The following SLC31A2 variants were observed in gnomAD, a reference collection of about 807,000 sequenced individuals.
SLC31A2 encodes protein SLC31A2.
In SLC31A2, 16 loss-of-function variants were observed where a neutral mutation model predicts 14.4. That is an observed-to-expected ratio of 1.11 (90% confidence interval 0.75 to 1.69). The LOEUF (loss-of-function observed/expected upper bound fraction) is 1.69. Among genes scored for constraint, SLC31A2 ranks in the 40% most tolerant of loss-of-function variants. The pLI is 0.00. For missense variants in SLC31A2, 140 were observed against 173.9 expected (o/e 0.81, Z 1.10); for synonymous variants, 56 against 68.7 (o/e 0.82, Z 0.91).
intron 1 of SLC31A2, among the ~76,000 whole-genome samples, chr9:113,153,119 G>GTTT (rs10700218): frequency 0.38 from 53,484 of 142,368 alleles, 11,047 homozygotes; most frequent in Non-Finnish European, 0.48. Context: ...GTGTCAAAAT[G>GTTT]TTTTTTTTTT....
chr9:113,161,384 A>G, intron 2 of SLC31A2, 125 bp from the exon 3 acceptor site: 1 of 874,580 alleles, frequency 1.1e-6, no homozygotes, highest in Non-Finnish European at 1.8e-6. Context: ...TTCGGAACTC[A>G]GCAAGGGTGG....
chr9:113,154,185 G>A (rs983122307), intron 1 of SLC31A2, among the ~76,000 whole-genome samples: 1 of 149,604 alleles, frequency 6.7e-6, no homozygotes, highest in Non-Finnish European at 1.5e-5. Flanking sequence ...TGTTGCCCAG[G>A]CTAGCACTTT....
At chr9:113,156,382 A>G (rs1829934458) in intron 1 of SLC31A2, among the ~76,000 whole-genome samples, 1 of 152,200 alleles carries the variant, frequency 6.6e-6, no homozygotes, top group Non-Finnish European at 1.5e-5. Context: ...ACTGAGTTTC[A>G]TCAGAGCTCA....
chr9:113,157,514 G>T (rs924572618), intron 1 of SLC31A2, among the ~76,000 whole-genome samples: 3 of 152,230 alleles, frequency 2.0e-5, no homozygotes, highest in East Asian at 1.9e-4. Flanking sequence ...CTCATATGGA[G>T]CATGGCCAGC....
In SLC31A2 at chr9:113,162,942, AG is replaced by A; in HGVS notation, c.*27del. 1.3e-6 allele frequency: 2 copies of A among 1,565,790 alleles called. No homozygotes were observed. Among genetic ancestry groups the A allele is most frequent in the Non-Finnish European group, 1.7e-6 (2 of 1,155,708 alleles). The stretch of plus-strand genomic sequence containing the variant: ...GCTGGTGAGGAACGTGCAGGCACTG[AG>A]GCTGGAGGGACATGGAGCCCCCTCT... On this transcript the variant is annotated 3_prime_UTR_variant, in exon 4 of 4. Transcript: ENST00000259392.
At chr9:113,153,976 T>C (rs892433866) in intron 1 of SLC31A2, among the ~76,000 whole-genome samples, 2 of 152,028 alleles carry the variant, frequency 1.3e-5, no homozygotes, top group South Asian at 4.2e-4. Context: ...CTCACTGTTA[T>C]TGTTGTTGTT....
At chr9:113,159,145 C>CT (rs982016828) in intron 2 of SLC31A2, among the ~76,000 whole-genome samples, 12 of 152,120 alleles carry the variant, frequency 7.9e-5, no homozygotes, top group Admixed American at 6.5e-4. Context: ...TGATCTTTCT[C>CT]TTTTTTTGAA....
chr9:113,159,188 T>C (rs1829973848), intron 2 of SLC31A2, among the ~76,000 whole-genome samples: 3 of 152,128 alleles, frequency 2.0e-5, no homozygotes, highest in African/African-American at 7.2e-5. Flanking sequence ...TGGAATGCAG[T>C]GGCGCGATCT....
Position 113,162,925 on chromosome 9 carries a change from G to A in SLC31A2, c.*8G>A, listed in dbSNP as rs765651761. 1 of 1,598,510 alleles carries A rather than the reference G, an allele frequency of 6.3e-7. No homozygotes were observed. The highest frequency in any genetic ancestry group is 1.1e-5 in the South Asian group (1 of 89,210). ...CTTCTCAGCACAGCTTAGCTGGTGA[G>A]GAACGTGCAGGCACTGAGGCTGGAG... On this transcript the variant is annotated 3_prime_UTR_variant, in exon 4 of 4. Coordinates refer to ENST00000259392, the MANE Select transcript of SLC31A2 (RefSeq NM_001860.3).
intron 1 of SLC31A2, among the ~76,000 whole-genome samples, chr9:113,154,793 C>CCTGTTGTCCG (rs949193165): frequency 6.6e-6 from 1 of 152,210 alleles, no homozygotes; most frequent in African/African-American, 2.4e-5. Flanking sequence ...GCCTTTTCAT[C>CCTGTTGTCCG]CTGTTGTCCG....
At chr9:113,159,373 TCCAC>T (rs1425948150) in intron 2 of SLC31A2, among the ~76,000 whole-genome samples, 1 of 152,150 alleles carries the variant, frequency 6.6e-6, no homozygotes, top group Non-Finnish European at 1.5e-5. Context: ...CCTCAAGTGA[TCCAC>T]CCACCTCGAC....
intron 1 of SLC31A2, among the ~76,000 whole-genome samples, chr9:113,153,619 G>A (rs185996900): frequency 6.6e-6 from 1 of 152,350 alleles, no homozygotes; most frequent in Admixed American, 6.5e-5. Flanking sequence ...CTGCGGAGAT[G>A]TCACAGGGAG....
At position 113,163,032 on chromosome 9, in the gene SLC31A2, C is replaced by A; in HGVS notation, c.*115C>A. 9.4e-7 allele frequency: 1 copy of A among 1,064,344 alleles called. No individual in the cohort carries two copies. 65.9% of individuals were successfully genotyped at this position (1,064,344 alleles called of 1,614,324 possible). A position where few individuals can be genotyped will look rare whatever the true frequency, so the allele number is the denominator to read the frequency against. ...GCTATTCCTCCACCTTATTCCCAGCCCCTGGAAACTTTGAGCTGAAGCCAG... is the reference window on the plus strand; with the variant it reads ...GCTATTCCTCCACCTTATTCCCAGCACCTGGAAACTTTGAGCTGAAGCCAG... On this transcript the variant is annotated 3_prime_UTR_variant, in exon 4 of 4. Coordinates refer to ENST00000259392, the MANE Select transcript of SLC31A2 (RefSeq NM_001860.3).
intron 2 of SLC31A2, among the ~76,000 whole-genome samples, chr9:113,159,428 C>T (rs1005726572): frequency 1.3e-5 from 2 of 152,092 alleles, no homozygotes; most frequent in African/African-American, 4.8e-5. Context: ...CTACCACACC[C>T]GGCCTGAATT....
At chr9:113,152,876 T>C (rs1371553598) in intron 1 of SLC31A2, among the ~76,000 whole-genome samples, 1 of 152,218 alleles carries the variant, frequency 6.6e-6, no homozygotes, top group Non-Finnish European at 1.5e-5. Flanking sequence ...AGGAAACCAG[T>C]TATGGCAACT....
chr9:113,157,842 T>A, intron 2 of SLC31A2, 49 bp downstream of exon 2: 4 of 1,394,350 alleles, frequency 2.9e-6, no homozygotes, highest in Non-Finnish European at 3.0e-6. Flanking sequence ...CTTGTAGTAC[T>A]AGGCAAGGGA....
At chr9:113,152,144 C>A (rs1829875579) in intron 1 of SLC31A2, 1 of 152,186 alleles carries the variant, frequency 6.6e-6, no homozygotes, top group African/African-American at 2.4e-5. Flanking sequence ...TGTAAGTAAC[C>A]CCAAATGAAG....
chr9:113,154,597 G>A (rs914019828), intron 1 of SLC31A2, among the ~76,000 whole-genome samples: 3 of 152,184 alleles, frequency 2.0e-5, no homozygotes, highest in African/African-American at 4.8e-5. Flanking sequence ...ATAAGGCCCT[G>A]GAGTCTAAGC....
At chr9:113,152,236 C>T (rs918581593) in intron 1 of SLC31A2, 7 of 152,282 alleles carry the variant, frequency 4.6e-5, no homozygotes, top group African/African-American at 1.7e-4. Context: ...ATCAGTTAAA[C>T]TTTCAGAGGC....
Sources: allele counts gnomAD v4.1 joint callset (sites outside exome capture counted in the v4.1 genomes callset), GRCh38; gene constraint gnomAD v4.1.1; transcripts MANE v1.5; gene names NCBI Gene and HGNC (gene_info 2026-07-23, HGNC 2026-07-21).